MACROD2: variants seen among roughly 807,000 people sequenced by gnomAD.
The protein encoded by MACROD2 is mono-ADP ribosylhydrolase 2.
A neutral mutation model predicts 70.4 loss-of-function variants in MACROD2; 36 were observed. The ratio of observed to expected loss-of-function variants is 0.51; its 90% CI spans 0.39 to 0.68. The LOEUF (loss-of-function observed/expected upper bound fraction) is 0.68, where lower values mean the gene tolerates loss of function less well. Among genes scored for constraint, MACROD2 ranks in the 30% least tolerant of loss-of-function variants. The pLI, the probability that MACROD2 is intolerant of heterozygous loss-of-function variation, is 0.00. For synonymous variants in MACROD2, 172 were observed against 178.8 expected (o/e 0.96, Z 0.30); for missense variants, 496 against 538.4 (o/e 0.92, Z 0.78).
At chr20:14,409,184 G>C (rs2122859538) in intron 3 of MACROD2, among the ~76,000 whole-genome samples, 1 of 137,254 alleles carries the variant, frequency 7.3e-6, no homozygotes, top group East Asian at 2.3e-4. Context: ...ATCCCCTAGT[G>C]CCATGCCAGG....
At chr20:15,109,260 C>T (rs973242335) in intron 5 of MACROD2, among the ~76,000 whole-genome samples, 7 of 152,084 alleles carry the variant, frequency 4.6e-5, no homozygotes, top group Admixed American at 6.6e-5. Flanking sequence ...GGATGTTCAC[C>T]GTGAGGAACT....
intron 5 of MACROD2, among the ~76,000 whole-genome samples, chr20:15,004,167 T>C (rs2075017827): frequency 6.6e-6 from 1 of 152,226 alleles, no homozygotes. Context: ...GCTGTCCTCA[T>C]GTCTATTAAA....
At chr20:15,576,552 G>GTTTTTTTTTTTTTTTTTTTTTTTTTT (rs11473854) in intron 8 of MACROD2, among the ~76,000 whole-genome samples, 2 of 145,752 alleles carry the variant, frequency 1.4e-5, no homozygotes, top group Non-Finnish European at 1.5e-5. Flanking sequence ...TGCACAAAAT[G>GTTTTTTTTTTTTTTTTTTTTTTTTTT]TTTTTTTTTT....
At chr20:15,152,292 G>C (rs1478064714) in intron 5 of MACROD2, among the ~76,000 whole-genome samples, 1 of 151,804 alleles carries the variant, frequency 6.6e-6, no homozygotes, top group Non-Finnish European at 1.5e-5. Context: ...TAAGGGAGAA[G>C]GAGGAATGGA....
chr20:14,836,149 G>T (rs749286792), intron 5 of MACROD2, among the ~76,000 whole-genome samples: 2 of 151,836 alleles, frequency 1.3e-5, no homozygotes, highest in African/African-American at 2.4e-5. Context: ...AAAAGTGAGG[G>T]GTCCGTACTC....
At chr20:15,961,622 C>G (rs2066063125) in intron 12 of MACROD2, among the ~76,000 whole-genome samples, 1 of 152,166 alleles carries the variant, frequency 6.6e-6, no homozygotes, top group South Asian at 2.1e-4. Context: ...GAGCTAAGGC[C>G]ACAAAAGCCT....
At chr20:15,499,940 A>T (rs945875833) in intron 8 of MACROD2, 93 bp downstream of exon 8, 2 of 1,206,328 alleles carry the variant, frequency 1.7e-6, no homozygotes, top group Non-Finnish European at 2.4e-6. Context: ...ATAAATATCA[A>T]CTACACCTAG....
chr20:14,834,984 T>A (rs2073013139), intron 5 of MACROD2, among the ~76,000 whole-genome samples: 1 of 152,034 alleles, frequency 6.6e-6, no homozygotes, highest in African/African-American at 2.4e-5. Context: ...TATGTATATA[T>A]GTTTGAGTGA....
At position 14,986,625 on chromosome 20, in the gene MACROD2, T is replaced by G. The variant is rs951325702; in HGVS notation, c.419-243315T>G. 2.6e-5 allele frequency among the ~76,000 whole-genome samples: 4 copies of G among 152,174 alleles called. No homozygotes were observed. The East Asian group carries it at 7.7e-4, about 29-fold the overall frequency. The stretch of plus-strand genomic sequence containing the variant: ...ATTTATGAAAAAGCTCTGATAAACT[T>G]TTGAAAGCAGAAAAAGACGTTAAAA... On this transcript the variant is annotated intron_variant, in intron 5 of 17. Transcript: ENST00000684519.
chr20:14,244,698 C>T (rs772209047), intron 3 of MACROD2, among the ~76,000 whole-genome samples: 11 of 152,138 alleles, frequency 7.2e-5, no homozygotes, highest in Non-Finnish European at 1.3e-4. Context: ...AAATGATGGC[C>T]GCTGAGCGCT....
At chr20:15,545,547 A>T (rs1186242029) in intron 8 of MACROD2, among the ~76,000 whole-genome samples, 1 of 152,172 alleles carries the variant, frequency 6.6e-6, no homozygotes, top group African/African-American at 2.4e-5. Context: ...TCAGAATCAT[A>T]GGGTCACCTT....
chr20:14,898,206 C>T (rs922282219), intron 5 of MACROD2, among the ~76,000 whole-genome samples: 2 of 152,066 alleles, frequency 1.3e-5, no homozygotes, highest in African/African-American at 4.8e-5. Context: ...CTTATTACCT[C>T]AGGTTAGGTT....
chr20:15,130,207 G>A (rs911895029), intron 5 of MACROD2, among the ~76,000 whole-genome samples: 2 of 151,902 alleles, frequency 1.3e-5, no homozygotes, highest in Non-Finnish European at 2.9e-5. Flanking sequence ...TAACCCAATG[G>A]TATGAACAAT....
At chr20:15,087,155 G>A (rs992235378) in intron 5 of MACROD2, among the ~76,000 whole-genome samples, 10 of 151,890 alleles carry the variant, frequency 6.6e-5, no homozygotes, top group Non-Finnish European at 1.5e-5. Flanking sequence ...AATGGAAGCA[G>A]ACACTTTTAT....
chr20:14,848,181 CT>C (rs1347963831), intron 5 of MACROD2, among the ~76,000 whole-genome samples: 1 of 152,182 alleles, frequency 6.6e-6, no homozygotes, highest in Non-Finnish European at 1.5e-5. Flanking sequence ...TGAAACAATG[CT>C]TCCCTATAGC....
rs73094296 is a variant in MACROD2, at chr20:15,482,012, G to A, written c.572-17762G>A. Among the ~76,000 whole-genome samples, 922 of 152,216 alleles carry A rather than the reference G, an allele frequency of 6.1e-3. 3 individuals carry two copies. Among genetic ancestry groups the A allele is most frequent in the Non-Finnish European group, 9.4e-3 (641 of 68,020 alleles). ...ATTTATTTTGGAGGTATGGAGGGAGGTAGCAAGGAATGAATTGTCATACCC... is the reference window on the plus strand; with the variant it reads ...ATTTATTTTGGAGGTATGGAGGGAGATAGCAAGGAATGAATTGTCATACCC... On this transcript the variant is annotated intron_variant, in intron 7 of 17. Coordinates refer to ENST00000684519, the MANE Select transcript of MACROD2 (RefSeq NM_001351661.2).
At chr20:14,621,514 T>C (rs1983824919) in intron 4 of MACROD2, among the ~76,000 whole-genome samples, 1 of 152,154 alleles carries the variant, frequency 6.6e-6, no homozygotes, top group South Asian at 2.1e-4. Flanking sequence ...GCCCTATGTT[T>C]CAGGAAAGTC....
chr20:15,504,443 A>G (rs1353989815), intron 8 of MACROD2, among the ~76,000 whole-genome samples: 1 of 152,230 alleles, frequency 6.6e-6, no homozygotes, highest in African/African-American at 2.4e-5. Context: ...ACTGAAAAAC[A>G]TGATGACTCT....
intron 4 of MACROD2, among the ~76,000 whole-genome samples, chr20:14,589,235 T>C (rs1981595140): frequency 6.6e-6 from 1 of 152,190 alleles, no homozygotes; most frequent in East Asian, 1.9e-4. Context: ...CAATTTTTTA[T>C]ACACTTGAAT....
Sources: allele counts gnomAD v4.1 joint callset (sites outside exome capture counted in the v4.1 genomes callset), GRCh38; gene constraint gnomAD v4.1.1; transcripts MANE v1.5; gene names NCBI Gene and HGNC (gene_info 2026-07-23, HGNC 2026-07-21).